Variants in MACROD2 observed in about 807,000 individuals in gnomAD.
MACROD2 encodes the protein ADP-ribose glycohydrolase MACROD2.
In MACROD2, 36 loss-of-function variants were observed where a neutral mutation model predicts 70.4. That is an observed-to-expected ratio of 0.51 (90% CI 0.39 to 0.68). MACROD2 has a LOEUF of 0.68. Ranked by LOEUF, MACROD2 falls within the 30% of genes least tolerant of loss-of-function variation. MACROD2 has a pLI of 0.00. For synonymous variants in MACROD2, 172 were observed against 178.8 expected (o/e 0.96, Z 0.30); for missense variants, 496 against 538.4 (o/e 0.92, Z 0.78).
intron 6 of MACROD2, among the ~76,000 whole-genome samples, chr20:15,296,651 T>C (rs1408875549): frequency 6.6e-6 from 1 of 152,228 alleles, no homozygotes; most frequent in African/African-American, 2.4e-5. Context: ...CACTCTCACA[T>C]ACCTGACTGC....
intron 5 of MACROD2, among the ~76,000 whole-genome samples, chr20:15,056,716 A>G (rs573474866): frequency 6.6e-6 from 1 of 152,372 alleles, no homozygotes; most frequent in South Asian, 2.1e-4. Context: ...AAATATTTTA[A>G]ATGAAAAAGA....
chr20:14,151,392 C>A (rs1004396430), intron 3 of MACROD2, among the ~76,000 whole-genome samples: 2 of 152,066 alleles, frequency 1.3e-5, no homozygotes, highest in African/African-American at 4.8e-5. Flanking sequence ...TGTTCTACTA[C>A]AGAAGGTCCA....
chr20:14,485,717 A>AG (rs1383307786), intron 3 of MACROD2, among the ~76,000 whole-genome samples: 5 of 110,020 alleles, frequency 4.5e-5, no homozygotes, highest in Admixed American at 2.1e-4. Context: ...AAAAAAAAAA[A>AG]AAAAAAGACC....
intron 3 of MACROD2, among the ~76,000 whole-genome samples, chr20:14,474,925 C>T (rs1411471389): frequency 3.9e-5 from 6 of 152,024 alleles, no homozygotes. Flanking sequence ...TCTATGTTTT[C>T]TAATTGCAGA....
chr20:15,135,016 A>G (rs942014288), intron 5 of MACROD2, among the ~76,000 whole-genome samples: 3 of 152,198 alleles, frequency 2.0e-5, no homozygotes, highest in African/African-American at 7.2e-5. Context: ...TAAAGCAGGA[A>G]GAAGTTGAAT....
intron 5 of MACROD2, among the ~76,000 whole-genome samples, chr20:14,909,565 G>A (rs6135305): frequency 0.14 from 21,763 of 151,566 alleles, 1,690 homozygotes; most frequent in Middle Eastern, 0.25. Context: ...CAGAGGGAAC[G>A]AGATAACCTA....
At chr20:14,016,389 T>C (rs1569116888) in intron 2 of MACROD2, among the ~76,000 whole-genome samples, 1 of 152,220 alleles carries the variant, frequency 6.6e-6, no homozygotes, top group African/African-American at 2.4e-5. Flanking sequence ...AATAGTGTCC[T>C]TTGATTGAAA....
At chr20:14,925,053 G>A (rs1407857957) in intron 5 of MACROD2, among the ~76,000 whole-genome samples, 1 of 151,852 alleles carries the variant, frequency 6.6e-6, no homozygotes, top group Non-Finnish European at 1.5e-5. Context: ...TCATCAGGCA[G>A]GTGGTTGAAA....
chr20:14,189,008 C>A (rs1215426567), intron 3 of MACROD2, among the ~76,000 whole-genome samples: 2 of 152,114 alleles, frequency 1.3e-5, no homozygotes, highest in Non-Finnish European at 2.9e-5. Context: ...TTCTCTGTTT[C>A]ATTCAGTGGT....
At chr20:15,876,036 A>G (rs1410024295) in intron 9 of MACROD2, among the ~76,000 whole-genome samples, 11 of 149,014 alleles carry the variant, frequency 7.4e-5, no homozygotes, top group Non-Finnish European at 1.5e-4. Context: ...AAATTTCTGC[A>G]AACTATATTC....
intron 3 of MACROD2, among the ~76,000 whole-genome samples, chr20:14,440,379 C>T (rs1349587908): frequency 6.6e-6 from 1 of 151,798 alleles, no homozygotes; most frequent in Non-Finnish European, 1.5e-5. Flanking sequence ...AGCTCATCAA[C>T]TATTGTTAGT....
chr20:14,803,985 G>T (rs539718720), intron 5 of MACROD2, among the ~76,000 whole-genome samples: 3 of 151,936 alleles, frequency 2.0e-5, no homozygotes, highest in African/African-American at 7.3e-5. Context: ...ATAATTTTAC[G>T]TCATAAGTTG....
chr20:15,815,627 C>T (rs1434887378), intron 8 of MACROD2, among the ~76,000 whole-genome samples: 1 of 152,038 alleles, frequency 6.6e-6, no homozygotes, highest in Non-Finnish European at 1.5e-5. Flanking sequence ...TGACAGTTGT[C>T]CAGGTAGTTC....
At chr20:14,507,906 A>C (rs1374231134) in intron 4 of MACROD2, among the ~76,000 whole-genome samples, 1 of 152,274 alleles carries the variant, frequency 6.6e-6, no homozygotes. Context: ...TTAACTCAGA[A>C]ATTTCTGAGG....
chr20:15,125,113 T>C (rs1390118843), intron 5 of MACROD2, among the ~76,000 whole-genome samples: 1 of 152,096 alleles, frequency 6.6e-6, no homozygotes, highest in African/African-American at 2.4e-5. Context: ...ATTTTGATTA[T>C]AGAAAGTTTT....
At chr20:15,206,719 A>ATTTTTTTTTTTTTTTTTT (rs1568636094) in intron 5 of MACROD2, among the ~76,000 whole-genome samples, 2 of 48,130 alleles carry the variant, frequency 4.2e-5, no homozygotes, top group African/African-American at 2.2e-4. Context: ...CATATTATCT[A>ATTTTTTTTTTTTTTTTTT]TGTTTTTTTT....
At chr20:15,034,678 T>TA (rs1347499508) in intron 5 of MACROD2, among the ~76,000 whole-genome samples, 5 of 152,176 alleles carry the variant, frequency 3.3e-5, no homozygotes, top group East Asian at 1.9e-4. Flanking sequence ...TATTTTGAGT[T>TA]AAAAAAATAA....
intron 4 of MACROD2, among the ~76,000 whole-genome samples, chr20:14,521,994 C>T (rs1364892555): frequency 4.6e-5 from 7 of 152,154 alleles, no homozygotes; most frequent in Non-Finnish European, 1.0e-4. Flanking sequence ...GGTTTTCAGT[C>T]TGTGCTTGGT....
intron 6 of MACROD2, among the ~76,000 whole-genome samples, chr20:15,339,795 G>A (rs6079766): frequency 2.0e-5 from 3 of 151,712 alleles, no homozygotes; most frequent in Admixed American, 6.6e-5. Flanking sequence ...TTGCTGGAAA[G>A]GCTGAAGGTA....
Sources: allele counts gnomAD v4.1 joint callset (sites outside exome capture counted in the v4.1 genomes callset), GRCh38; gene constraint gnomAD v4.1.1; transcripts MANE v1.5; gene names NCBI Gene and HGNC (gene_info 2026-07-23, HGNC 2026-07-21).